Variants in ENTREP2 observed in about 807,000 individuals in gnomAD.
ENTREP2 encodes protein ENTREP2.
the ENTREP2 span, among the ~76,000 whole-genome samples, chr15:29,556,891 G>C: frequency 6.6e-6 from 1 of 152,058 alleles, no homozygotes; most frequent in Non-Finnish European, 1.5e-5. Flanking sequence ...TGCAGGATGG[G>C]GCAGCCACCT....
the ENTREP2 span, among the ~76,000 whole-genome samples, chr15:29,211,539 C>T: frequency 6.6e-6 from 1 of 152,218 alleles, no homozygotes; most frequent in Non-Finnish European, 1.5e-5. Flanking sequence ...TCAGAGTGGG[C>T]ATCCTTGTCT....
chr15:29,506,788 G>A, the ENTREP2 span, among the ~76,000 whole-genome samples: 1 of 152,104 alleles, frequency 6.6e-6, no homozygotes, highest in Non-Finnish European at 1.5e-5. Context: ...AACCAGTACA[G>A]CCACTGCAAA....
the ENTREP2 span, among the ~76,000 whole-genome samples, chr15:29,321,287 GTATT>G: frequency 6.6e-6 from 1 of 152,180 alleles, no homozygotes; most frequent in Non-Finnish European, 1.5e-5. Context: ...AGAGCGTGGA[GTATT>G]TAAAGTGATG....
At chr15:29,532,429 C>T in the ENTREP2 span, among the ~76,000 whole-genome samples, 21 of 152,152 alleles carry the variant, frequency 1.4e-4, no homozygotes, top group Non-Finnish European at 3.1e-4. Context: ...TATTCAAAAT[C>T]ATAAGCATAA....
At chr15:29,559,760 A>G in the ENTREP2 span, among the ~76,000 whole-genome samples, 1 of 152,192 alleles carries the variant, frequency 6.6e-6, no homozygotes, top group East Asian at 1.9e-4. Context: ...GCCTGCCTAC[A>G]TAATCCAGGA....
chr15:29,286,428 G>T, the ENTREP2 span, among the ~76,000 whole-genome samples: 1 of 152,156 alleles, frequency 6.6e-6, no homozygotes, highest in Admixed American at 6.5e-5. Context: ...CCCAAAGATG[G>T]ATGCAACGCA....
At chr15:29,668,946 A>C in the ENTREP2 span, among the ~76,000 whole-genome samples, 1 of 152,170 alleles carries the variant, frequency 6.6e-6, no homozygotes, top group Non-Finnish European at 1.5e-5. Context: ...TGTGTTCTTC[A>C]AGCCCTTTGA....
chr15:29,639,607 A>G, the ENTREP2 span, among the ~76,000 whole-genome samples: 1 of 152,148 alleles, frequency 6.6e-6, no homozygotes, highest in Non-Finnish European at 1.5e-5. Flanking sequence ...TCTCAAATCA[A>G]CAACTTAACC....
the ENTREP2 span, among the ~76,000 whole-genome samples, chr15:29,552,786 G>A: frequency 6.6e-6 from 1 of 152,104 alleles, no homozygotes; most frequent in Non-Finnish European, 1.5e-5. Context: ...TTAGCAAGTT[G>A]ACTGTTTGCA....
At chr15:29,170,029 C>T in the ENTREP2 span, among the ~76,000 whole-genome samples, 103 of 151,998 alleles carry the variant, frequency 6.8e-4, no homozygotes, top group Admixed American at 2.8e-3. Flanking sequence ...ATATGCAGGC[C>T]GGGTGCGGTG....
At chr15:29,230,959 T>G in the ENTREP2 span, among the ~76,000 whole-genome samples, 1 of 152,188 alleles carries the variant, frequency 6.6e-6, no homozygotes, top group Non-Finnish European at 1.5e-5. Flanking sequence ...GATTATAGCC[T>G]GAGTGGATGT....
the ENTREP2 span, among the ~76,000 whole-genome samples, chr15:29,147,140 A>G: frequency 5.9e-5 from 9 of 152,376 alleles, no homozygotes; most frequent in Admixed American, 2.0e-4. Context: ...TACAAATTAT[A>G]TATCTGATAA....
the ENTREP2 span, among the ~76,000 whole-genome samples, chr15:29,585,867 A>AG: frequency 2.0e-5 from 3 of 151,982 alleles, no homozygotes; most frequent in East Asian, 5.8e-4. Context: ...AAAAAAAAAA[A>AG]AAAAAAAAAA....
the ENTREP2 span, among the ~76,000 whole-genome samples, chr15:29,260,713 C>T: frequency 6.6e-6 from 1 of 151,836 alleles, no homozygotes; most frequent in South Asian, 2.1e-4. Context: ...ATAAGATTAT[C>T]CACATATTGA....
chr15:29,488,690 C>T, the ENTREP2 span, among the ~76,000 whole-genome samples: 5 of 152,142 alleles, frequency 3.3e-5, no homozygotes, highest in Non-Finnish European at 2.9e-5. Context: ...GCCACTGATT[C>T]ACATACAAGG....
the ENTREP2 span, among the ~76,000 whole-genome samples, chr15:29,617,154 G>A: frequency 1.3e-5 from 2 of 152,206 alleles, no homozygotes; most frequent in Admixed American, 1.3e-4. Context: ...ACGGCAGGCT[G>A]TCTGCAGGCT....
the ENTREP2 span, among the ~76,000 whole-genome samples, chr15:29,257,177 G>A: frequency 1.3e-5 from 2 of 151,992 alleles, no homozygotes; most frequent in African/African-American, 4.8e-5. Flanking sequence ...AGGTTCAAGC[G>A]ATTCTCCTGC....
chr15:29,360,219 A>C, the ENTREP2 span, among the ~76,000 whole-genome samples: 4 of 152,348 alleles, frequency 2.6e-5, no homozygotes, highest in South Asian at 8.3e-4. Flanking sequence ...CTATATCTTT[A>C]TAACGGTAAT....
chr15:29,196,331 G>T, the ENTREP2 span: 2 of 1,369,434 alleles, frequency 1.5e-6, no homozygotes, highest in Non-Finnish European at 2.0e-6. Context: ...ACCCCGGGAA[G>T]TTAAGAGCTG....
Sources: allele counts gnomAD v4.1 joint callset (sites outside exome capture counted in the v4.1 genomes callset), GRCh38; gene constraint gnomAD v4.1.1; transcripts MANE v1.5; gene names NCBI Gene and HGNC (gene_info 2026-07-23, HGNC 2026-07-21).